The following PPP2R5B variants were observed in gnomAD, a reference collection of about 807,000 sequenced individuals.
The protein encoded by PPP2R5B is serine/threonine-protein phosphatase 2A 56 kDa regulatory subunit beta isoform.
In PPP2R5B, 19 loss-of-function variants were observed where a neutral mutation model predicts 59.9. The ratio of observed to expected loss-of-function variants is 0.32; its 90% CI spans 0.22 to 0.47. The LOEUF is 0.47. Among genes scored for constraint, PPP2R5B ranks in the 20% least tolerant of loss-of-function variants. The pLI is 1.00. For synonymous variants in PPP2R5B, 286 were observed against 260.5 expected (o/e 1.10, Z -0.94); for missense variants, 441 against 640.2 (o/e 0.69, Z 3.36).
At position 64,925,819 on chromosome 11, in the gene PPP2R5B, G is replaced by T; in HGVS notation, c.85G>T (p.Asp29Tyr). 1 of 1,605,698 alleles carries T rather than the reference G, an allele frequency of 6.2e-7. No individual in the cohort carries two copies. Among genetic ancestry groups the T allele is most frequent in the Non-Finnish European group, 8.5e-7 (1 of 1,176,686 alleles). ...GCCTGTGCCCCCACCCGACAAGGTG[G>T]ACGGCTTCTCCCGCCGTTCCCTCCG... ...LSPVPPPDKV[D>Y]GFSRRSLRRA... is the part of the protein sequence containing the mutation. The change falls in exon 2 of 14, where the codon GAC becomes TAC. Residue 29 changes from aspartate to tyrosine, a missense_variant. Transcript: ENST00000164133. This position sits in a 1 kb window ranked among gnomAD's most constrained non-coding sequence, Gnocchi z 4.6.
At chr11:64,924,002 G>T (rs1024435445), upstream of PPP2R5B, among the ~76,000 whole-genome samples, 3 of 152,200 alleles carry the variant, frequency 2.0e-5, no homozygotes, top group Admixed American at 6.5e-5. Context: ...GTCCAGGGGG[G>T]CTGAAAGGTC....
At chr11:64,932,987 A>G (rs1173631667) in intron 12 of PPP2R5B, 95 bp downstream of exon 12, 16 of 1,556,534 alleles carry the variant, frequency 1.0e-5, no homozygotes, top group African/African-American at 1.4e-5. Context: ...GGAGAATATC[A>G]GAGAAAGCAT....
chr11:64,921,884 T>G (rs677805), upstream of PPP2R5B, among the ~76,000 whole-genome samples: 144,668 of 152,256 alleles, frequency 0.95, 69,158 homozygotes, highest in East Asian at 1. Flanking sequence ...ACATACATCT[T>G]TCGTTGCATA....
upstream of PPP2R5B, among the ~76,000 whole-genome samples, chr11:64,923,857 C>T (rs1945131214): frequency 6.6e-6 from 1 of 152,098 alleles, no homozygotes; most frequent in Non-Finnish European, 1.5e-5. Context: ...GGTCCAGGAT[C>T]CTAGGACGGG....
In PPP2R5B at chr11:64,927,881, AG is replaced by A. The variant is rs1341895909; in HGVS notation, c.477del (p.Glu159AspfsTer38). The stretch of plus-strand genomic sequence containing the variant: ...CCTGAAGAGGATGAGCCCAATCTTG[AG>A]CCTTCGTGGCCACACCTGCAGGTCT... Reference protein sequence around the residue: ...FDPEEDEPNLEPSWPHLQLVY... With the variant: ...FDPEEDEPNLXPSWPHLQLVY... On this transcript the variant is annotated frameshift_variant, in exon 4 of 14. Transcript: ENST00000164133. LOFTEE classifies it high-confidence loss of function. 6.2e-7 allele frequency: 1 copy of A among 1,610,942 alleles called. No homozygotes were observed. The highest frequency in any genetic ancestry group is 8.5e-7 in the Non-Finnish European group (1 of 1,177,206).
In PPP2R5B at chr11:64,931,584, G is replaced by A; in HGVS notation, c.971G>A (p.Trp324Ter). The change falls in exon 10 of 14, where the codon TGG becomes TAG. Residue 324 changes from tryptophan (W) to a stop codon, truncating the protein, a stop_gained. Transcript: ENST00000164133. LOFTEE classifies it high-confidence loss of function. This position sits in a 1 kb window ranked among gnomAD's most constrained non-coding sequence, Gnocchi z 5.0. ...EHVIRGLLKY[W>*]PKTCTQKEVM... ...GTGATCCGGGGGCTGCTCAAATACT[G>A]GCCAAAAACCTGCACCCAGAAGGAG... 1 of 1,613,960 alleles carries A rather than the reference G, an allele frequency of 6.2e-7. No homozygotes were observed. Among genetic ancestry groups the A allele is most frequent in the Non-Finnish European group, 8.5e-7 (1 of 1,179,982 alleles).
At chr11:64,928,889 AC>A (rs1315463238) in intron 6 of PPP2R5B, among the ~76,000 whole-genome samples, 1 of 151,764 alleles carries the variant, frequency 6.6e-6, no homozygotes, top group Non-Finnish European at 1.5e-5. Context: ...AGACGGATGA[AC>A]CCAGGAGGTG....
At chr11:64,933,008 C>A in intron 12 of PPP2R5B, 116 bp downstream of exon 12, 1 of 1,526,986 alleles carries the variant, frequency 6.5e-7, no homozygotes, top group South Asian at 1.2e-5. Context: ...CAAAAGATGG[C>A]CCAGGGGTGG....
At chr11:64,927,353 G>A (rs1177127266) in intron 3 of PPP2R5B, among the ~76,000 whole-genome samples, 1 of 152,216 alleles carries the variant, frequency 6.6e-6, no homozygotes, top group Non-Finnish European at 1.5e-5. Context: ...CGAACTAGGC[G>A]TTCAGGTGAT....
Position 64,925,942 on chromosome 11 carries a change from G to A in PPP2R5B, c.199+9G>A, listed in dbSNP as rs1301992210. The stretch of plus-strand genomic sequence containing the variant: ...GCTGCCCCTGCTCAAAGGTGAGCTG[G>A]CTGCTGGCCACTGGGGGAACCGAAC... On this transcript the variant is annotated intron_variant, in intron 2 of 13. Coordinates refer to ENST00000164133, the MANE Select transcript of PPP2R5B (RefSeq NM_006244.4). The surrounding 1 kb of genome is among the most constrained non-coding windows in gnomAD (Gnocchi z 4.6). 6.2e-7 allele frequency: 1 copy of A among 1,609,174 alleles called. No individual in the cohort carries two copies. The highest frequency in any genetic ancestry group is 1.1e-5 in the South Asian group (1 of 90,542).
rs1945229530 is a variant in PPP2R5B, at chr11:64,931,760, G to T, written c.1008G>T (p.Leu336=). ...KTCTQKEVMF[L]GEMEEILDVI... is the part of the protein sequence containing the mutation. ...CCCAACCCACCCAGGTGATGTTTCT[G>T]GGGGAGATGGAAGAGATTCTTGATG... The change falls in exon 11 of 14, where the codon CTG becomes CTT. Residue 336 remains leucine, a synonymous_variant. Transcript: ENST00000164133. The surrounding 1 kb of genome is among the most constrained non-coding windows in gnomAD (Gnocchi z 5.0). 1 of 1,614,168 alleles carries T rather than the reference G, an allele frequency of 6.2e-7. No individual in the cohort carries two copies. Among genetic ancestry groups the T allele is most frequent in the Non-Finnish European group, 8.5e-7 (1 of 1,180,006 alleles).
At chr11:64,928,833 G>A (rs898624665) in intron 6 of PPP2R5B, among the ~76,000 whole-genome samples, 16 of 152,180 alleles carry the variant, frequency 1.1e-4, no homozygotes, top group South Asian at 4.1e-4. Context: ...GCAGTGAGCC[G>A]AGACTGCGCC....
At chr11:64,924,251 G>C (rs1356998032), upstream of PPP2R5B, 10 of 152,444 alleles carry the variant, frequency 6.6e-5, no homozygotes, top group Non-Finnish European at 1.2e-4. Flanking sequence ...AACTAGTCCA[G>C]TGCTGGTTTC....
intron 1 of PPP2R5B, among the ~76,000 whole-genome samples, chr11:64,917,955 T>G (rs1385525293): frequency 6.6e-6 from 1 of 152,238 alleles, no homozygotes; most frequent in African/African-American, 2.4e-5. Flanking sequence ...TCTCTAGTCC[T>G]AAAATCAAAG....
chr11:64,934,389 G>A lies in PPP2R5B; in HGVS notation c.*545G>A. On this transcript the variant is annotated 3_prime_UTR_variant, in exon 14 of 14. Coordinates refer to ENST00000164133, the MANE Select transcript of PPP2R5B (RefSeq NM_006244.4). The stretch of plus-strand genomic sequence containing the variant: ...GCACAGGCAAGAAGAGATTCACAGT[G>A]TCCTGGGGTAAGGGGGGGTTCACAG... The A allele has an allele frequency of 2.9e-6, 1 of 343,592 alleles. No individual in the cohort carries two copies. Among genetic ancestry groups the A allele is most frequent in the Non-Finnish European group, 5.5e-6 (1 of 182,006 alleles). The allele number at this position is 343,592 out of a possible 1,614,324, so 21.3% of individuals were successfully genotyped here. A position where few individuals can be genotyped will look rare whatever the true frequency, so the allele number is the denominator to read the frequency against.
chr11:64,926,245 T>C (rs1945162877), intron 2 of PPP2R5B, among the ~76,000 whole-genome samples: 1 of 152,230 alleles, frequency 6.6e-6, no homozygotes, highest in African/African-American at 2.4e-5. Context: ...GCCAGATCCC[T>C]GGAGCAGGCG....
At chr11:64,924,439 C>G (rs1945136608), upstream of PPP2R5B, 1 of 152,528 alleles carries the variant, frequency 6.6e-6, no homozygotes, top group African/African-American at 2.4e-5. Context: ...AAGCCCTCCT[C>G]TTTCCCTATG....
chr11:64,921,532 G>A (rs1215222839), upstream of PPP2R5B, among the ~76,000 whole-genome samples: 1 of 152,212 alleles, frequency 6.6e-6, no homozygotes, highest in African/African-American at 2.4e-5. Flanking sequence ...CACCCTCTGG[G>A]GTGAGAAAGG....
At chr11:64,932,491 G>A (rs1254431522) in intron 11 of PPP2R5B, among the ~76,000 whole-genome samples, 1 of 152,164 alleles carries the variant, frequency 6.6e-6, no homozygotes, top group Non-Finnish European at 1.5e-5. Flanking sequence ...TTTTACAGAT[G>A]AGAAAACTGA....
Sources: gnomAD v4.1 joint callset for allele counts (sites outside exome capture counted in the v4.1 genomes callset) on GRCh38, gnomAD v4.1.1 for gene constraint, Gnocchi (gnomAD v3.1) non-coding constraint, MANE v1.5 for transcripts, NCBI Gene and HGNC (gene_info 2026-07-23, HGNC 2026-07-21) for gene names.